The following PLK4 variants were observed in gnomAD, a reference collection of about 807,000 sequenced individuals.
The protein encoded by PLK4 is polo like kinase 4.
Under a neutral mutation model 103.0 loss-of-function variants are expected in PLK4, and 51 were observed. The ratio of observed to expected loss-of-function variants is 0.50; its 90% CI spans 0.40 to 0.63. The LOEUF is 0.63. Ranked by LOEUF, PLK4 falls within the 20% of genes least tolerant of loss-of-function variation. The pLI is 0.00. For synonymous variants in PLK4, 389 were observed against 376.8 expected, an observed-to-expected ratio of 1.03 and a Z score of -0.38; for missense variants, 1,054 against 1,151.0, an observed-to-expected ratio of 0.92 and a Z score of 1.22.
At position 127,886,601 on chromosome 4, in the gene PLK4, T is replaced by C; in HGVS notation, c.1231T>C (p.Ser411Pro). The change falls in exon 5 of 16, where the codon TCA (serine) becomes CCA (proline). Residue 411 changes from serine (S) to proline (P), a missense_variant. By Grantham distance (74) the Ser-to-Pro change is moderately conservative. This residue lies in a region of PLK4 where 680 missense variants were observed against 660.3 expected (regional missense o/e 1.03). Transcript: ENST00000270861. ...AGAAATGCTTTCAGTGTCCAAAAGA[T>C]CAGGAGGAGGTGAAAATGAAGAGAG... is the stretch of plus-strand genomic sequence containing the variant. ...SAEMLSVSKR[S>P]GGGENEERYS... The C allele has an allele frequency of 6.2e-7, 1 of 1,613,946 alleles. No individual in the cohort carries two copies. The highest frequency in any genetic ancestry group is 8.5e-7 in the Non-Finnish European group (1 of 1,179,910).
In PLK4 at chr4:127,891,075, G is replaced by GT. The variant is rs75010725; in HGVS notation, c.1831-3dup. 149,464 of 1,098,262 alleles carry GT rather than the reference G, an allele frequency of 0.14. 342 individuals are homozygous for GT. The highest frequency in any genetic ancestry group is 0.3 in the East Asian group (11,484 of 37,956). 68.0% of individuals were successfully genotyped at this position (1,098,262 alleles called of 1,614,324 possible). Reference sequence around the variant, plus strand: ...ACAAAAGAATTATTACTGATTTTGGGTTTTTTTTTTTTTTAGGTGAGCATA... The same window carrying GT: ...ACAAAAGAATTATTACTGATTTTGGGTTTTTTTTTTTTTTTAGGTGAGCATA... On this transcript the variant is annotated splice_polypyrimidine_tract_variant and intron_variant, in intron 7 of 15. Transcript: ENST00000270861.
In PLK4 at chr4:127,893,765, T is replaced by C; in HGVS notation, c.2446T>C (p.Leu816=). ...KPGSTSSPKA[L]SPPPSVDSNY... Reference sequence around the variant, plus strand: ...TGGTAGTACTAGTTCACCTAAGGCCTTATCACCTCCTCCTTCTGTGGATTC... The same window carrying C: ...TGGTAGTACTAGTTCACCTAAGGCCCTATCACCTCCTCCTTCTGTGGATTC... Residue 816 remains leucine (L), a synonymous_variant, in exon 13 of 16, where the codon TTA becomes CTA. Transcript: ENST00000270861. 1.9e-6 allele frequency: 3 copies of C among 1,612,512 alleles called. No homozygotes were observed.
At chr4:127,881,507 C>A in intron 1 of PLK4, 1 of 891,664 alleles carries the variant, frequency 1.1e-6, no homozygotes, top group Non-Finnish European at 1.6e-6. Context: ...CCGGCGGGAG[C>A]TGCGGCGGGA....
intron 6 of PLK4, among the ~76,000 whole-genome samples, chr4:127,888,955 T>C (rs1195297390): frequency 6.6e-6 from 1 of 152,198 alleles, no homozygotes; most frequent in Non-Finnish European, 1.5e-5. Flanking sequence ...AATTCAGGTT[T>C]GTTTTTTAAA....
Position 127,898,780 on chromosome 4 carries a change from A to C in PLK4, c.*239A>C. 1 of 344,266 alleles carries C rather than the reference A, an allele frequency of 2.9e-6. No homozygotes were observed. The highest frequency in any genetic ancestry group is 4.9e-5 in the East Asian group (1 of 20,560). 21.3% of individuals were successfully genotyped at this position (344,266 alleles called of 1,614,324 possible). ...TTTGCTCTTAGACCATAACCCCCGA[A>C]CTTACTATGTTCATATATTTGTATT... is the stretch of plus-strand genomic sequence containing the variant. On this transcript the variant is annotated 3_prime_UTR_variant, in exon 16 of 16. Transcript: ENST00000270861.
chr4:127,893,804 A>G lies in PLK4; in HGVS notation c.2485A>G (p.Arg829Gly). Residue 829 changes from arginine to glycine, a missense_variant, in exon 13 of 16, where the codon AGA becomes GGA. Arg to Gly is a moderately radical substitution (Grantham distance 125). Transcript: ENST00000270861. ...PPSVDSNYPTRERASFNRMVM... is the reference protein window; with the variant it reads ...PPSVDSNYPTGERASFNRMVM... ...TTCTGTGGATTCAAATTACCCAACG[A>G]GAGAGAGAGCATCTTTCAACAGAAT... 1 of 1,612,532 alleles carries G rather than the reference A, an allele frequency of 6.2e-7. No individual in the cohort carries two copies. The highest frequency in any genetic ancestry group is 8.5e-7 in the Non-Finnish European group (1 of 1,178,564).
chr4:127,897,624 T>C (rs2148825745), intron 15 of PLK4, among the ~76,000 whole-genome samples: 1 of 152,244 alleles, frequency 6.6e-6, no homozygotes, highest in South Asian at 2.1e-4. Flanking sequence ...TAAATAACTA[T>C]GTTTCAAGTG....
chr4:127,882,336 G>A (rs1451202927), intron 2 of PLK4, among the ~76,000 whole-genome samples: 4 of 152,180 alleles, frequency 2.6e-5, no homozygotes, highest in African/African-American at 9.7e-5. Context: ...AGAATTATTT[G>A]TCAGCCGGGT....
Position 127,886,062 on chromosome 4 carries a change from C to A in PLK4, c.692C>A (p.Pro231Gln). 6.2e-7 allele frequency: 1 copy of A among 1,614,048 alleles called. No homozygotes were observed. The highest frequency in any genetic ancestry group is 1.7e-5 in the Admixed American group (1 of 60,020). ...GTAGTATTGGCAGATTATGAAATGCCATCTTTTTTGTCAATAGAGGCCAAG... is the reference window on the plus strand; with the variant it reads ...GTAGTATTGGCAGATTATGAAATGCAATCTTTTTTGTCAATAGAGGCCAAG... ...NKVVLADYEM[P>Q]SFLSIEAKDL... Residue 231 changes from proline to glutamine, a missense_variant, in exon 5 of 16, where the codon CCA becomes CAA. Physicochemically the swap from Pro to Gln is moderately conservative, Grantham distance 76. Around this residue, in one of 4 missense-constraint regions of PLK4, gnomAD observed 680 missense variants for 660.3 expected, o/e 1.03. Coordinates refer to ENST00000270861, the MANE Select transcript of PLK4 (RefSeq NM_014264.5).
chr4:127,898,752 G>C lies in PLK4; in HGVS notation c.*211G>C. On this transcript the variant is annotated 3_prime_UTR_variant, in exon 16 of 16. Coordinates refer to ENST00000270861, the MANE Select transcript of PLK4 (RefSeq NM_014264.5). Reference sequence around the variant, plus strand: ...ATAGTGGATATAAAATAGAACACCTGACTTTGCTCTTAGACCATAACCCCC... The same window carrying C: ...ATAGTGGATATAAAATAGAACACCTCACTTTGCTCTTAGACCATAACCCCC... 2.4e-6 allele frequency: 1 copy of C among 417,352 alleles called. No homozygotes were observed. 25.9% of individuals were successfully genotyped at this position (417,352 alleles called of 1,614,324 possible). A position where few individuals can be genotyped will look rare whatever the true frequency, so the allele number is the denominator to read the frequency against.
rs566795202 is a variant in PLK4 at position 127,893,423 on chromosome 4, A to G, written c.2322+5A>G. On this transcript the variant is annotated splice_donor_5th_base_variant and intron_variant, in intron 11 of 15. Coordinates refer to ENST00000270861, the MANE Select transcript of PLK4 (RefSeq NM_014264.5). ...TATATGGACCATGCTAATGAGGTAC[A>G]TACCTAATTGTAGGTTTTTCATACC... 1.2e-6 allele frequency: 2 copies of G among 1,602,974 alleles called. No individual in the cohort carries two copies. Among genetic ancestry groups the G allele is most frequent in the East Asian group, 2.2e-5 (1 of 44,686 alleles).
chr4:127,887,172 G>A (rs1212024871), intron 5 of PLK4, among the ~76,000 whole-genome samples: 1 of 152,158 alleles, frequency 6.6e-6, no homozygotes, highest in South Asian at 2.1e-4. Context: ...TAAATTATAA[G>A]AGGGCAGTAG....
In PLK4 at chr4:127,895,452, C is replaced by CTTTTTTTTTTT. The variant is rs70966059; in HGVS notation, c.2703+377_2703+387dup. 2.1e-3 allele frequency among the ~76,000 whole-genome samples: 137 copies of CTTTTTTTTTTT among 65,188 alleles called. 23 individuals carry two copies. Among genetic ancestry groups the CTTTTTTTTTTT allele is most frequent in the East Asian group, 0.013 (24 of 1,884 alleles). 42.8% of individuals were successfully genotyped at this position (65,188 alleles called of 152,430 possible). The stretch of plus-strand genomic sequence containing the variant: ...TAATCAATATTAGTAGAGTAACTTT[C>CTTTTTTTTTTT]TTTTTTTTTTTTTTTTTTTTTTTTT... On this transcript the variant is annotated intron_variant, in intron 14 of 15. Coordinates refer to ENST00000270861, the MANE Select transcript of PLK4 (RefSeq NM_014264.5).
chr4:127,886,885 AGT>A (rs1161619854), intron 5 of PLK4, among the ~76,000 whole-genome samples, 157 bp downstream of exon 5: 1 of 151,558 alleles, frequency 6.6e-6, no homozygotes, highest in Admixed American at 6.6e-5. Context: ...TCTTAACAGG[AGT>A]GTGTGTGTTC....
At chr4:127,889,096 T>G (rs374439931) in intron 6 of PLK4, among the ~76,000 whole-genome samples, 1 of 152,170 alleles carries the variant, frequency 6.6e-6, no homozygotes, top group Admixed American at 6.5e-5. Flanking sequence ...CCTGCAATTT[T>G]TCAGTATATT....
intron 4 of PLK4, among the ~76,000 whole-genome samples, chr4:127,884,485 A>G (rs1423924917): frequency 6.6e-6 from 1 of 152,250 alleles, no homozygotes; most frequent in Non-Finnish European, 1.5e-5. Flanking sequence ...TGACTACTGC[A>G]GTTTTTTATA....
rs373379984 is a variant in PLK4 at position 127,887,401 on chromosome 4, A to T, written c.1364A>T (p.Asn455Ile). Reference sequence around the variant, plus strand: ...TTTTTTGTTTGTTTGTTTAGCTCCAATCATCTTTGTCCAGGAAAAACTCCT... The same window carrying T: ...TTTTTTGTTTGTTTGTTTAGCTCCATTCATCTTTGTCCAGGAAAAACTCCT... ...ERPDNNQALSNHLCPGKTPFP... is the reference protein window; with the variant it reads ...ERPDNNQALSIHLCPGKTPFP... Residue 455 changes from asparagine (N) to isoleucine (I), a missense_variant, in exon 6 of 16, where the codon AAT becomes ATT. Asn to Ile is a moderately radical substitution (Grantham distance 149). Around this residue, in one of 4 missense-constraint regions of PLK4, gnomAD observed 680 missense variants for 660.3 expected, o/e 1.03. Transcript: ENST00000270861. 5 of 1,598,588 alleles carry T rather than the reference A, an allele frequency of 3.1e-6. No homozygotes were observed. The highest frequency in any genetic ancestry group is 4.3e-6 in the Non-Finnish European group (5 of 1,167,344).
chr4:127,894,810 A>G (rs774088155), intron 13 of PLK4, 143 bp from the exon 14 acceptor site: 43 of 540,222 alleles, frequency 8.0e-5, no homozygotes, highest in Non-Finnish European at 1.3e-4. Flanking sequence ...CTAATTTCCA[A>G]TAATGTGGTT....
At chr4:127,883,131 A>G (rs1025112868) in intron 2 of PLK4, 131 bp from the exon 3 acceptor site, 13 of 575,138 alleles carry the variant, frequency 2.3e-5, no homozygotes, top group East Asian at 2.9e-5. Flanking sequence ...GGGAAAACAG[A>G]TAACAGTAGG....
Sources: gnomAD v4.1 joint callset for allele counts (sites outside exome capture counted in the v4.1 genomes callset) on GRCh38, gnomAD v4.1.1 for gene constraint, gnomAD v4.1.1 regional missense constraint, MANE v1.5 for transcripts, NCBI Gene and HGNC (gene_info 2026-07-23, HGNC 2026-07-21) for gene names.